Variants in RIT2 observed in about 807,000 individuals in gnomAD.
RIT2 encodes GTP-binding protein Rit2.
Under a neutral mutation model 23.7 loss-of-function variants are expected in RIT2, and 24 were observed. The ratio of observed to expected loss-of-function variants is 1.01; its 90% CI spans 0.73 to 1.43. The LOEUF (loss-of-function observed/expected upper bound fraction) is 1.43, where lower values mean the gene tolerates loss of function less well. Among genes scored for constraint, RIT2 ranks in the 40% most tolerant of loss-of-function variants. The pLI, the probability that RIT2 is intolerant of heterozygous loss-of-function variation, is 0.00. For missense variants in RIT2, 236 were observed against 266.9 expected (o/e 0.88, Z 0.81); for synonymous variants, 107 against 91.1 (o/e 1.17, Z -0.99).
intron 4 of RIT2, among the ~76,000 whole-genome samples, chr18:42,760,613 C>T (rs982294340): frequency 6.6e-6 from 1 of 152,182 alleles, no homozygotes. Context: ...TGAAATCAAA[C>T]GGCCTGGGTT....
At chr18:43,033,163 T>C (rs1288558266) in intron 2 of RIT2, among the ~76,000 whole-genome samples, 3 of 152,120 alleles carry the variant, frequency 2.0e-5, no homozygotes, top group Non-Finnish European at 4.4e-5. Flanking sequence ...GTTTTTTGAA[T>C]GAGTAAAGCA....
intron 3 of RIT2, among the ~76,000 whole-genome samples, chr18:42,958,107 C>T (rs563944484): frequency 3.1e-4 from 47 of 152,158 alleles, no homozygotes; most frequent in South Asian, 2.9e-3. Context: ...GGCTTGGGAG[C>T]CATGGATTGC....
At chr18:42,743,748 A>G in intron 4 of RIT2, 28 bp from the exon 5 acceptor site, 14 of 1,493,540 alleles carry the variant, frequency 9.4e-6, no homozygotes, top group Non-Finnish European at 1.3e-5. Context: ...AATATTAAAA[A>G]GACAGAAAGA....
At chr18:42,751,357 G>GAT (rs1160053631) in intron 4 of RIT2, among the ~76,000 whole-genome samples, 9 of 151,516 alleles carry the variant, frequency 5.9e-5, no homozygotes, top group Non-Finnish European at 8.9e-5. Context: ...TACATATATA[G>GAT]ATATATATAT....
At chr18:42,982,479 C>T (rs1910619390) in intron 2 of RIT2, among the ~76,000 whole-genome samples, 1 of 152,120 alleles carries the variant, frequency 6.6e-6, no homozygotes, top group African/African-American at 2.4e-5. Context: ...CAAGTTAACA[C>T]CTAAAATTAA....
At chr18:42,844,295 G>C (rs924890730) in intron 4 of RIT2, among the ~76,000 whole-genome samples, 1 of 152,222 alleles carries the variant, frequency 6.6e-6, no homozygotes, top group African/African-American at 2.4e-5. Flanking sequence ...ACATGGGGCA[G>C]CTGCCCTCCA....
At chr18:42,858,010 G>A (rs1471510926) in intron 4 of RIT2, among the ~76,000 whole-genome samples, 2 of 152,174 alleles carry the variant, frequency 1.3e-5, no homozygotes, top group African/African-American at 2.4e-5. Flanking sequence ...GCGAAACCCT[G>A]TCTCTACTAA....
At chr18:43,035,254 A>C (rs908953988) in intron 1 of RIT2, among the ~76,000 whole-genome samples, 10 of 152,208 alleles carry the variant, frequency 6.6e-5, no homozygotes, top group African/African-American at 2.4e-4. Context: ...GTGACAAAAG[A>C]AGTCTCTACA....
At chr18:42,970,849 A>T (rs2144199864) in intron 3 of RIT2, among the ~76,000 whole-genome samples, 1 of 152,000 alleles carries the variant, frequency 6.6e-6, no homozygotes, top group East Asian at 1.9e-4. Context: ...CTCCCACATC[A>T]TGTAAAGCTT....
chr18:42,758,675 G>A (rs140029875), intron 4 of RIT2, among the ~76,000 whole-genome samples: 5,741 of 119,162 alleles, frequency 0.048, 331 homozygotes, highest in African/African-American at 0.14. Context: ...CACTGCACCC[G>A]GCTAATTTTT....
rs186520287 is a variant in RIT2 at position 42,813,328 on chromosome 18, C to T, written c.427-69608G>A. ...TCATTGAAAGAATTCCAATAATAGG[C>T]CATGTATTTTGAAAGAAAAAGTAGT... On this transcript the variant is annotated intron_variant, in intron 4 of 4. Coordinates refer to ENST00000326695, the MANE Select transcript of RIT2 (RefSeq NM_002930.4). Among the ~76,000 whole-genome samples the T allele has an allele frequency of 1.6e-4, 25 of 152,064 alleles. 1 individual carries two copies. The East Asian group carries it at 4.1e-3, about 25-fold the overall frequency.
chr18:42,899,161 T>G (rs1187509546), intron 4 of RIT2, among the ~76,000 whole-genome samples: 1 of 151,904 alleles, frequency 6.6e-6, no homozygotes, highest in Non-Finnish European at 1.5e-5. Flanking sequence ...TACAGTTTCT[T>G]TCACTCATTG....
chr18:42,806,161 T>C (rs1242064338), intron 4 of RIT2, among the ~76,000 whole-genome samples: 1 of 149,294 alleles, frequency 6.7e-6, no homozygotes, highest in Non-Finnish European at 1.5e-5. Flanking sequence ...ATTCTTAAAT[T>C]AAACTGGCTT....
intron 4 of RIT2, among the ~76,000 whole-genome samples, chr18:42,855,390 T>C (rs143756685): frequency 1.6e-3 from 239 of 152,300 alleles, no homozygotes; most frequent in African/African-American, 5.5e-3. Context: ...AGAATAGTCA[T>C]TCAAGATATA....
At chr18:42,924,050 AC>A (rs546864910) in intron 3 of RIT2, among the ~76,000 whole-genome samples, 23 of 152,090 alleles carry the variant, frequency 1.5e-4, no homozygotes, top group African/African-American at 5.5e-4. Flanking sequence ...ATTTATTTGA[AC>A]CCAGGCTAGA....
At chr18:43,017,848 A>T (rs1414714763) in intron 2 of RIT2, among the ~76,000 whole-genome samples, 1 of 152,032 alleles carries the variant, frequency 6.6e-6, no homozygotes, top group Non-Finnish European at 1.5e-5. Flanking sequence ...TGCATCAAAC[A>T]TCCATCTGTG....
intron 4 of RIT2, among the ~76,000 whole-genome samples, chr18:42,879,033 T>C (rs1230458272): frequency 6.6e-6 from 1 of 152,146 alleles, no homozygotes; most frequent in Non-Finnish European, 1.5e-5. Context: ...TATCAAAATC[T>C]CCTCAAATTA....
chr18:42,804,410 C>T (rs1208542796), intron 4 of RIT2, among the ~76,000 whole-genome samples: 3 of 151,650 alleles, frequency 2.0e-5, no homozygotes, highest in Admixed American at 6.6e-5. Flanking sequence ...AAAAAATGAG[C>T]TAGGCATGTT....
chr18:43,002,857 TAGAG>T (rs1911139711), intron 2 of RIT2, among the ~76,000 whole-genome samples: 1 of 151,890 alleles, frequency 6.6e-6, no homozygotes, highest in African/African-American at 2.4e-5. Context: ...GAACTCAGCA[TAGAG>T]AGATTATTCA....
Sources: gnomAD v4.1 joint callset for allele counts (sites outside exome capture counted in the v4.1 genomes callset) on GRCh38, gnomAD v4.1.1 for gene constraint, MANE v1.5 for transcripts, NCBI Gene and HGNC (gene_info 2026-07-23, HGNC 2026-07-21) for gene names.